PCDHGB2: variants seen among roughly 807,000 people sequenced by gnomAD.
The protein encoded by PCDHGB2 is protocadherin gamma-B2.
In PCDHGB2, 55 loss-of-function variants were observed where a neutral mutation model predicts 59.3. The observed-to-expected ratio is 0.93, with a 90% CI of 0.75 to 1.16. PCDHGB2 has a LOEUF of 1.16. Ranked by LOEUF, PCDHGB2 falls within the 50% of genes most tolerant of loss-of-function variation. The pLI is 0.00. For missense variants in PCDHGB2, 1,228 were observed against 1,198.5 expected (o/e 1.02, Z -0.36); for synonymous variants, 516 against 512.0 (o/e 1.01, Z -0.11).
intron 3 of PCDHGB2, 133 bp downstream of exon 3, chr5:141,505,614 AC>A: frequency 6.6e-7 from 1 of 1,510,758 alleles, no homozygotes; most frequent in Non-Finnish European, 8.9e-7. Flanking sequence ...GTCTGAAAGG[AC>A]CCACAATTCC....
intron 2 of PCDHGB2, among the ~76,000 whole-genome samples, chr5:141,504,621 T>A (rs1185981312): frequency 7.9e-6 from 1 of 126,856 alleles, no homozygotes; most frequent in Non-Finnish European, 1.6e-5. Flanking sequence ...GATAGGAAAG[T>A]GCACCTTGGA....
intron 1 of PCDHGB2, among the ~76,000 whole-genome samples, chr5:141,473,719 T>C (rs998018115): frequency 6.6e-6 from 1 of 152,124 alleles, no homozygotes; most frequent in African/African-American, 2.4e-5. Context: ...CAATGGAATA[T>C]AGTGAGAGAG....
chr5:141,450,556 G>A lies in PCDHGB2; in HGVS notation c.2422-44251G>A, dbSNP rs534127421. Among the ~76,000 whole-genome samples, 5 of 151,822 alleles carry A rather than the reference G, an allele frequency of 3.3e-5. 1 individual carries two copies. Among genetic ancestry groups the A allele is most frequent in the South Asian group, 2.1e-4 (1 of 4,804 alleles). On this transcript the variant is annotated intron_variant, in intron 1 of 3. Transcript: ENST00000522605. ...GGCTGGAATGCAGTGGCGCAGTCTCGGCTCACTGCAACTTCTGCCTCCCAG... is the reference window on the plus strand; with the variant it reads ...GGCTGGAATGCAGTGGCGCAGTCTCAGCTCACTGCAACTTCTGCCTCCCAG...
rs1036126623 is a variant in PCDHGB2, at chr5:141,410,753, T to A, written c.2421+48197T>A. On this transcript the variant is annotated intron_variant, in intron 1 of 3. Transcript: ENST00000522605. ...AGCTTTTTACAATATTTTCTCAATG[T>A]TTTTTCAATTATAGTTTTCACTATG... 4.1e-6 allele frequency: 5 copies of A among 1,229,696 alleles called. No individual in the cohort carries two copies. In the African/African-American group the frequency reaches 6.1e-5, roughly 15 times the overall value. 76.2% of individuals were successfully genotyped at this position (1,229,696 alleles called of 1,614,324 possible). A position where few individuals can be genotyped will look rare whatever the true frequency, so the allele number is the denominator to read the frequency against.
chr5:141,475,388 G>C (rs1230010845), intron 1 of PCDHGB2, among the ~76,000 whole-genome samples: 8 of 152,170 alleles, frequency 5.3e-5, no homozygotes, highest in Non-Finnish European at 1.0e-4. Flanking sequence ...AATTTTATAA[G>C]CCAGAGTTAA....
At chr5:141,419,527 C>T (rs755936657) in intron 1 of PCDHGB2, 4 of 1,612,064 alleles carry the variant, frequency 2.5e-6, no homozygotes, top group Non-Finnish European at 2.5e-6. Context: ...GCGACCGTAA[C>T]GACAACGCAC....
At chr5:141,433,320 T>A in intron 1 of PCDHGB2, 1 of 792,046 alleles carries the variant, frequency 1.3e-6, no homozygotes, top group Non-Finnish European at 2.0e-6. Flanking sequence ...TTGCCTCCGG[T>A]GTAACAGGGA....
intron 1 of PCDHGB2, among the ~76,000 whole-genome samples, chr5:141,433,482 C>T (rs935076625): frequency 3.3e-5 from 5 of 152,110 alleles, no homozygotes; most frequent in African/African-American, 9.6e-5. Flanking sequence ...TAGCCTCCTG[C>T]TTCTCCCTCC....
chr5:141,505,614 A>G (rs2154593732), intron 3 of PCDHGB2, 133 bp downstream of exon 3: 1 of 1,510,758 alleles, frequency 6.6e-7, no homozygotes, highest in Non-Finnish European at 8.9e-7. Context: ...GTCTGAAAGG[A>G]CCCACAATTC....
intron 1 of PCDHGB2, among the ~76,000 whole-genome samples, chr5:141,456,882 G>A (rs1039329600): frequency 6.6e-6 from 1 of 152,156 alleles, no homozygotes; most frequent in Non-Finnish European, 1.5e-5. Context: ...AGAATCGCTT[G>A]AACCCGGGAG....
intron 1 of PCDHGB2, among the ~76,000 whole-genome samples, chr5:141,472,400 G>A (rs2099279115): frequency 6.6e-6 from 1 of 152,024 alleles, no homozygotes; most frequent in East Asian, 1.9e-4. Flanking sequence ...AATTAGCCAG[G>A]CGTGGTGGCA....
chr5:141,420,147 C>T lies in PCDHGB2; in HGVS notation c.2421+57591C>T, dbSNP rs1480828845. On this transcript the variant is annotated intron_variant, in intron 1 of 3. Transcript: ENST00000522605. Reference sequence around the variant, plus strand: ...TGTGTGCCTGGGGATCAAATGAATCCAGAATTTAATTTTTTCACATCTGTT... The same window carrying T: ...TGTGTGCCTGGGGATCAAATGAATCTAGAATTTAATTTTTTCACATCTGTT... The T allele has an allele frequency of 2.5e-6, 4 of 1,613,848 alleles. No individual in the cohort carries two copies. The East Asian group carries it at 8.9e-5, about 36-fold the overall frequency.
intron 1 of PCDHGB2, among the ~76,000 whole-genome samples, chr5:141,368,786 T>A (rs997077499): frequency 6.6e-6 from 1 of 152,202 alleles, no homozygotes; most frequent in Non-Finnish European, 1.5e-5. Flanking sequence ...TTCTGAAGAA[T>A]AATTTTTCAT....
At chr5:141,370,504 T>C (rs769995886) in intron 1 of PCDHGB2, 3 of 1,613,950 alleles carry the variant, frequency 1.9e-6, no homozygotes, top group Non-Finnish European at 2.5e-6. Flanking sequence ...CGCTACGCTA[T>C]TCCCGAGGAG....
chr5:141,407,977 G>A (rs943554200), intron 1 of PCDHGB2: 7 of 747,538 alleles, frequency 9.4e-6, no homozygotes, highest in African/African-American at 8.8e-5. Context: ...TGACGCCGGG[G>A]ATCCGTCAGC....
At position 141,423,614 on chromosome 5, in the gene PCDHGB2, A is replaced by C. The variant is rs1365658002; in HGVS notation, c.2421+61058A>C. 8 of 1,610,406 alleles carry C rather than the reference A, an allele frequency of 5.0e-6. No homozygotes were observed. The highest frequency in any genetic ancestry group is 6.8e-6 in the Non-Finnish European group (8 of 1,178,132). ...AAAAGCGAGCCACTCTTGATAGCTG[A>C]AGACTCAGCTATCATTTTAGGCAAA... On this transcript the variant is annotated intron_variant, in intron 1 of 3. Transcript: ENST00000522605.
Position 141,375,514 on chromosome 5 carries a change from G to A in PCDHGB2, c.2421+12958G>A, listed in dbSNP as rs1345928950. On this transcript the variant is annotated intron_variant, in intron 1 of 3. Transcript: ENST00000522605. The stretch of plus-strand genomic sequence containing the variant: ...CCTCCATCTTCTCTGTGAATGCACT[G>A]GACCCTGACGTGGACCAGAACGCCC... 3.1e-6 allele frequency: 5 copies of A among 1,613,836 alleles called. No homozygotes were observed. In the African/African-American group the frequency reaches 4.0e-5, roughly 13 times the overall value.
intron 1 of PCDHGB2, among the ~76,000 whole-genome samples, chr5:141,449,909 A>G (rs2098658849): frequency 6.6e-6 from 1 of 151,828 alleles, no homozygotes; most frequent in Non-Finnish European, 1.5e-5. Context: ...TATAGTCCAT[A>G]TTTAAATTCT....
intron 1 of PCDHGB2, chr5:141,430,898 G>A: frequency 6.2e-7 from 1 of 1,605,834 alleles, no homozygotes; most frequent in East Asian, 2.2e-5. Flanking sequence ...TAGGGTGGGC[G>A]ACATCTCCAG....
Sources: gnomAD v4.1 joint callset for allele counts (sites outside exome capture counted in the v4.1 genomes callset) on GRCh38, gnomAD v4.1.1 for gene constraint, MANE v1.5 for transcripts, NCBI Gene and HGNC (gene_info 2026-07-23, HGNC 2026-07-21) for gene names.